RTKN2: variants seen among roughly 807,000 people sequenced by gnomAD.
RTKN2 encodes the protein rhotekin 2.
Under a neutral mutation model 71.5 loss-of-function variants are expected in RTKN2, and 69 were observed. The ratio of observed to expected loss-of-function variants is 0.96; its 90% CI spans 0.79 to 1.18. The LOEUF is 1.18. RTKN2 is among the 50% of genes most tolerant of loss of function. The pLI, the probability that RTKN2 is intolerant of heterozygous loss-of-function variation, is 0.00. For missense variants in RTKN2, 724 were observed against 719.7 expected (o/e 1.01, Z -0.07); for synonymous variants, 236 against 236.5 (o/e 1.00, Z 0.02).
rs1343518677 is a variant in RTKN2, at chr10:62,197,213, C to T, written c.*695G>A. 1 of 985,250 alleles carries T rather than the reference C, an allele frequency of 1.0e-6. No homozygotes were observed. The highest frequency in any genetic ancestry group is 1.2e-6 in the Non-Finnish European group (1 of 829,556). The allele number at this position is 985,250 out of a possible 1,614,324, so 61.0% of individuals were successfully genotyped here. A position where few individuals can be genotyped will look rare whatever the true frequency, so the allele number is the denominator to read the frequency against. On this transcript the variant is annotated 3_prime_UTR_variant, in exon 12 of 12. Transcript: ENST00000373789. Reference sequence around the variant, plus strand: ...TTGAATGTAAAGAGCATTTCATCTACCATTTCTCTAAACTAGTAAGTGTTA... The same window carrying T: ...TTGAATGTAAAGAGCATTTCATCTATCATTTCTCTAAACTAGTAAGTGTTA...
chr10:62,192,512 C>T (rs1841238888), downstream of RTKN2, among the ~76,000 whole-genome samples: 4 of 152,160 alleles, frequency 2.6e-5, no homozygotes. Context: ...AAAGTGATTT[C>T]CGAATCAGCT....
At chr10:62,255,561 T>C (rs1842659727) in intron 2 of RTKN2, among the ~76,000 whole-genome samples, 1 of 152,154 alleles carries the variant, frequency 6.6e-6, no homozygotes, top group Non-Finnish European at 1.5e-5. Flanking sequence ...GTAGAAGGAA[T>C]ACTAGAATTA....
intron 1 of RTKN2, among the ~76,000 whole-genome samples, chr10:62,266,019 G>A (rs956665464): frequency 2.2e-4 from 34 of 152,114 alleles, no homozygotes; most frequent in African/African-American, 8.0e-4. Context: ...CAGTCTCCAG[G>A]AACAGCAGAG....
At position 62,268,744 on chromosome 10, in the gene RTKN2, G is replaced by T; in HGVS notation, c.-134C>A. The T allele has an allele frequency of 1.1e-6, 1 of 916,908 alleles. No homozygotes were observed. The highest frequency in any genetic ancestry group is 3.5e-4 in the Middle Eastern group (1 of 2,852). The allele number at this position is 916,908 out of a possible 1,614,324, so 56.8% of individuals were successfully genotyped here. On this transcript the variant is annotated 5_prime_UTR_variant, in exon 1 of 12. In the 5' UTR this introduces an upstream ATG that the reference lacks. Coordinates refer to ENST00000373789, the MANE Select transcript of RTKN2 (RefSeq NM_145307.4). Reference sequence around the variant, plus strand: ...CCCAGTCGCAGGGGCCGGGGGCGCAGGAGGAGCCGGGCCGAAGCGCACGCG... The same window carrying T: ...CCCAGTCGCAGGGGCCGGGGGCGCATGAGGAGCCGGGCCGAAGCGCACGCG...
intron 2 of RTKN2, among the ~76,000 whole-genome samples, chr10:62,262,284 C>A (rs942339652): frequency 4.6e-5 from 7 of 152,228 alleles, no homozygotes; most frequent in Non-Finnish European, 8.8e-5. Flanking sequence ...TGTCTCACAG[C>A]TAGTACCTTT....
chr10:62,193,143 G>T lies in RTKN2; in HGVS notation c.*4765C>A. 1 of 663,346 alleles carries T rather than the reference G, an allele frequency of 1.5e-6. No homozygotes were observed. The highest frequency in any genetic ancestry group is 1.9e-6 in the Non-Finnish European group (1 of 536,268). 41.1% of individuals were successfully genotyped at this position (663,346 alleles called of 1,614,324 possible). A position where few individuals can be genotyped will look rare whatever the true frequency, so the allele number is the denominator to read the frequency against. On this transcript the variant is annotated 3_prime_UTR_variant, in exon 12 of 12. Coordinates refer to ENST00000373789, the MANE Select transcript of RTKN2 (RefSeq NM_145307.4). The stretch of plus-strand genomic sequence containing the variant: ...CAAAAATGCATCCATTCATAATTTT[G>T]AGTAGATAAACAAAATATAAAAATA...
chr10:62,185,436 T>C (rs964968761), intron 8 of RTKN2, among the ~76,000 whole-genome samples: 3 of 152,008 alleles, frequency 2.0e-5, no homozygotes, highest in Admixed American at 6.6e-5. Flanking sequence ...GCCAAGTTGG[T>C]GAAACCCCGT....
intron 9 of RTKN2, chr10:62,215,047 G>A: frequency 6.6e-7 from 1 of 1,506,558 alleles, no homozygotes; most frequent in Non-Finnish European, 9.0e-7. Flanking sequence ...ACTGAGATAT[G>A]GCGAGTTGAA....
At chr10:62,191,943 T>C (rs1167548579), downstream of RTKN2, among the ~76,000 whole-genome samples, 3 of 152,164 alleles carry the variant, frequency 2.0e-5, no homozygotes, top group African/African-American at 7.2e-5. Context: ...ACGTGTTACA[T>C]ACTATATGTC....
At chr10:62,225,251 A>G (rs1268102753) in intron 6 of RTKN2, among the ~76,000 whole-genome samples, 1 of 152,258 alleles carries the variant, frequency 6.6e-6, no homozygotes, top group East Asian at 1.9e-4. Flanking sequence ...TCAGTCTTTC[A>G]GTCTCTGTGA....
chr10:62,222,461 A>G (rs1441387728), intron 7 of RTKN2, among the ~76,000 whole-genome samples: 1 of 152,040 alleles, frequency 6.6e-6, no homozygotes, highest in African/African-American at 2.4e-5. Flanking sequence ...ACTTTTCCCT[A>G]TTTTTAACAT....
chr10:62,199,578 TTTGTA>T (rs1284076709), intron 11 of RTKN2, among the ~76,000 whole-genome samples, 171 bp downstream of exon 11: 1 of 152,244 alleles, frequency 6.6e-6, no homozygotes, highest in African/African-American at 2.4e-5. Context: ...TATTCATTAT[TTTGTA>T]TTAATTCATC....
chr10:62,234,251 TG>T (rs376919946), intron 6 of RTKN2, among the ~76,000 whole-genome samples: 94 of 152,016 alleles, frequency 6.2e-4, no homozygotes, highest in African/African-American at 2.1e-3. Flanking sequence ...AGGCTGGGTG[TG>T]GTGGCCTCAT....
At chr10:62,237,737 T>C (rs949800884) in intron 5 of RTKN2, among the ~76,000 whole-genome samples, 13 of 151,600 alleles carry the variant, frequency 8.6e-5, no homozygotes, top group Non-Finnish European at 1.5e-4. Context: ...ATAAATAACA[T>C]TTTACTATCT....
intron 2 of RTKN2, among the ~76,000 whole-genome samples, chr10:62,253,549 A>G (rs1040613186): frequency 6.6e-6 from 1 of 152,192 alleles, no homozygotes; most frequent in Non-Finnish European, 1.5e-5. Context: ...TCAAAAGCCA[A>G]TGTGACAGTC....
chr10:62,184,144 T>C, exon 9 of RTKN2: 1 of 501,684 alleles, frequency 2.0e-6, no homozygotes, highest in Non-Finnish European at 3.5e-6. Context: ...AAATGTTTAC[T>C]CAATGACTCT....
intron 2 of RTKN2, among the ~76,000 whole-genome samples, chr10:62,251,837 C>A (rs1842587061): frequency 6.6e-6 from 1 of 151,810 alleles, no homozygotes. Flanking sequence ...AAAATAAAAT[C>A]ATTTCTGAAA....
chr10:62,261,533 C>T (rs1462648592), intron 2 of RTKN2, among the ~76,000 whole-genome samples: 1 of 152,142 alleles, frequency 6.6e-6, no homozygotes, highest in Non-Finnish European at 1.5e-5. Flanking sequence ...CGCCTATAGT[C>T]CCAGTTACTC....
intron 10 of RTKN2, among the ~76,000 whole-genome samples, chr10:62,203,360 T>A (rs1010713986): frequency 2.5e-5 from 3 of 119,636 alleles, no homozygotes; most frequent in Non-Finnish European, 3.5e-5. Flanking sequence ...TTTTTTTTTT[T>A]AAAGACAAGA....
Sources: gnomAD v4.1 joint callset for allele counts (sites outside exome capture counted in the v4.1 genomes callset) on GRCh38, gnomAD v4.1.1 for gene constraint, MANE v1.5 for transcripts, NCBI Gene and HGNC (gene_info 2026-07-23, HGNC 2026-07-21) for gene names.